The following PAX4 variants were observed in gnomAD, a reference collection of about 807,000 sequenced individuals.
PAX4 encodes paired box 4.
PAX4 carries 33 observed loss-of-function variants against 40.6 expected under a neutral mutation model. The ratio of observed to expected loss-of-function variants is 0.81; its 90% CI spans 0.62 to 1.09. PAX4 has a LOEUF of 1.09. Ranked by LOEUF, PAX4 falls within the 50% of genes least tolerant of loss-of-function variation. The probability of loss-of-function intolerance (pLI) is 0.00; values close to 1 mark genes in which losing one functional copy is unlikely to be tolerated. For synonymous variants in PAX4, 174 were observed against 170.6 expected, an observed-to-expected ratio of 1.02 and a Z score of -0.16; for missense variants, 459 against 442.5, an observed-to-expected ratio of 1.04 and a Z score of -0.33.
rs376403180 is a variant in PAX4, at chr7:127,613,543, C to T, written c.563-11G>A. ...GCCCACGCTGGAACTCTGCGGAGATCGAGTCTCACAAAGTAAGGGCACCGG... is the reference window on the plus strand; with the variant it reads ...GCCCACGCTGGAACTCTGCGGAGATTGAGTCTCACAAAGTAAGGGCACCGG... On this transcript the variant is annotated splice_polypyrimidine_tract_variant and intron_variant, in intron 7 of 11. Coordinates refer to ENST00000639438, the MANE Select transcript of PAX4 (RefSeq NM_001366110.1). The T allele has an allele frequency of 1.2e-4, 188 of 1,613,904 alleles. No individual in the cohort carries two copies. Among genetic ancestry groups the T allele is most frequent in the Non-Finnish European group, 1.4e-4 (166 of 1,179,928 alleles).
chr7:127,613,416 T>G, intron 8 of PAX4, 34 bp downstream of exon 8: 1 of 1,601,748 alleles, frequency 6.2e-7, no homozygotes, highest in Non-Finnish European at 8.6e-7. Context: ...CTCTTCCTCC[T>G]TGTGGTTTGT....
At position 127,616,015 on chromosome 7, in the gene PAX4, T is replaced by C; in HGVS notation, c.-87A>G. ...TCCTTCTAGGAGCTCCTTTTCCAGC[T>C]TGGGGGCTGGCTCTGCAATAATGGG... On this transcript the variant is annotated 5_prime_UTR_variant, in exon 3 of 12. Coordinates refer to ENST00000639438, the MANE Select transcript of PAX4 (RefSeq NM_001366110.1). 6.8e-7 allele frequency: 1 copy of C among 1,465,072 alleles called. No individual in the cohort carries two copies. The highest frequency in any genetic ancestry group is 1.2e-5 in the South Asian group (1 of 82,210). 90.8% of individuals were successfully genotyped at this position (1,465,072 alleles called of 1,614,324 possible).
intron 11 of PAX4, 117 bp from the exon 12 acceptor site, chr7:127,611,323 C>T: frequency 7.7e-7 from 1 of 1,293,676 alleles, no homozygotes; most frequent in Non-Finnish European, 1.1e-6. Context: ...ACTTGAATCC[C>T]AGTCTCACAT....
intron 11 of PAX4, 68 bp downstream of exon 11, chr7:127,611,467 C>T (rs1010570655): frequency 3.1e-6 from 5 of 1,610,410 alleles, no homozygotes; most frequent in Middle Eastern, 2.0e-4. Context: ...GATCCATGCC[C>T]TCCTGGAGGT....
chr7:127,616,083 G>A (rs1794720132), intron 2 of PAX4, 56 bp from the exon 3 acceptor site: 1 of 862,880 alleles, frequency 1.2e-6, no homozygotes, highest in East Asian at 2.7e-5. Flanking sequence ...GGTCCTGGGA[G>A]GTAGTGTTTT....
In PAX4 at chr7:127,616,066, T is replaced by C; in HGVS notation, c.-99-39A>G. ...GGGTTATTTGGGTGAGGTCTTTTGC[T>C]TGAAATGGTCCTGGGAGGTAGTGTT... is the stretch of plus-strand genomic sequence containing the variant. On this transcript the variant is annotated intron_variant, in intron 2 of 11. Coordinates refer to ENST00000639438, the MANE Select transcript of PAX4 (RefSeq NM_001366110.1). 4 of 1,025,350 alleles carry C rather than the reference T, an allele frequency of 3.9e-6. No individual in the cohort carries two copies. In the South Asian group the frequency reaches 6.0e-5, roughly 15 times the overall value. 63.5% of individuals were successfully genotyped at this position (1,025,350 alleles called of 1,614,324 possible).
chr7:127,616,096 G>T, intron 2 of PAX4, 69 bp from the exon 3 acceptor site: 2 of 738,354 alleles, frequency 2.7e-6, no homozygotes, highest in Admixed American at 2.9e-5. Flanking sequence ...AGTGTTTTGT[G>T]ATAGAGGGTC....
chr7:127,615,648 G>T, intron 3 of PAX4, 117 bp from the exon 4 acceptor site: 1 of 1,587,574 alleles, frequency 6.3e-7, no homozygotes, highest in African/African-American at 1.3e-5. Context: ...ATCCTCTCCT[G>T]GGAGACTGCA....
At chr7:127,611,842 T>A (rs1794630682) in intron 10 of PAX4, 103 bp downstream of exon 10, 1 of 1,596,448 alleles carries the variant, frequency 6.3e-7, no homozygotes. Context: ...ATGAACACTG[T>A]GGGGCCCTGG....
intron 10 of PAX4, 117 bp from the exon 11 acceptor site, chr7:127,611,793 C>G (rs1219679629): frequency 1.3e-6 from 2 of 1,599,510 alleles, no homozygotes; most frequent in African/African-American, 2.7e-5. Context: ...CCAGAGGGCA[C>G]CATTCACATA....
Position 127,611,287 on chromosome 7 carries a change from A to G in PAX4, c.914-81T>C, listed in dbSNP as rs554647327. The G allele has an allele frequency of 1.2e-5, 17 of 1,381,468 alleles. No homozygotes were observed. The South Asian group carries it at 1.6e-4, about 13-fold the overall frequency. The allele number at this position is 1,381,468 out of a possible 1,614,324, so 85.6% of individuals were successfully genotyped here. On this transcript the variant is annotated intron_variant, in intron 11 of 11. Transcript: ENST00000639438. ...GTCACTATGGGAGAGAGGCTGAGAC[A>G]TCAGTTTCCCACCCTGCATATACAC...
chr7:127,612,947 G>T, intron 9 of PAX4, 75 bp downstream of exon 9: 2 of 1,046,618 alleles, frequency 1.9e-6, no homozygotes, highest in Non-Finnish European at 3.0e-6. Flanking sequence ...ATGGATGGAT[G>T]GATGGATGGA....
intron 9 of PAX4, among the ~76,000 whole-genome samples, chr7:127,612,430 C>A (rs1794644203): frequency 6.8e-6 from 1 of 147,094 alleles, no homozygotes; most frequent in African/African-American, 2.5e-5. Context: ...TGGATGAATG[C>A]ATGAGCAGAT....
At chr7:127,613,242 C>T in intron 8 of PAX4, 151 bp from the exon 9 acceptor site, 2 of 857,524 alleles carry the variant, frequency 2.3e-6, no homozygotes, top group Non-Finnish European at 1.9e-6. Context: ...GCTCTCTGGC[C>T]CCTTCCTCAA....
At chr7:127,616,163 A>C in intron 2 of PAX4, 136 bp from the exon 3 acceptor site, 1 of 570,636 alleles carries the variant, frequency 1.8e-6, no homozygotes, top group Admixed American at 3.1e-5. Context: ...AATTCCTTTT[A>C]TTTAAACCTT....
At position 127,610,916 on chromosome 7, in the gene PAX4, G is replaced by A. The variant is rs933526132; in HGVS notation, c.*148C>T. 2.6e-6 allele frequency: 4 copies of A among 1,546,496 alleles called. No individual in the cohort carries two copies. Among genetic ancestry groups the A allele is most frequent in the African/African-American group, 1.4e-5 (1 of 73,048 alleles). ...TCCAATCAGGTGATGCGCCAGAGAG[G>A]CATCGAGGCAGGGCCAGGCAACGTC... is the stretch of plus-strand genomic sequence containing the variant. On this transcript the variant is annotated 3_prime_UTR_variant, in exon 12 of 12. Coordinates refer to ENST00000639438, the MANE Select transcript of PAX4 (RefSeq NM_001366110.1).
chr7:127,615,684 G>A, intron 3 of PAX4, 153 bp from the exon 4 acceptor site: 6 of 1,535,104 alleles, frequency 3.9e-6, no homozygotes, highest in East Asian at 4.8e-5. Context: ...GGCTGTCAAC[G>A]CAAGCTGCTT....
At position 127,613,784 on chromosome 7, in the gene PAX4, G is replaced by T. The variant is rs1794676706; in HGVS notation, c.534C>A (p.Ser178=). 2.5e-6 allele frequency: 4 copies of T among 1,614,012 alleles called. No homozygotes were observed. Residue 178 remains serine (S), a synonymous_variant, in exon 7 of 12, where the codon TCC becomes TCA. Transcript: ENST00000639438. ...GTGHRNRTIF[S]PSQAEALEKE... is the part of the protein sequence containing the mutation. ...TCTCCAGTGCCTCTGCTTGGCTTGG[G>T]GAGAAGATAGTCCGATTCCGGTGGC...
intron 5 of PAX4, 51 bp from the exon 6 acceptor site, chr7:127,614,608 A>G: frequency 7.0e-7 from 1 of 1,420,248 alleles, no homozygotes; most frequent in South Asian, 1.2e-5. Flanking sequence ...ACTCAGGGCT[A>G]TACCCTGAGG....
Sources: allele counts gnomAD v4.1 joint callset (sites outside exome capture counted in the v4.1 genomes callset), GRCh38; gene constraint gnomAD v4.1.1; transcripts MANE v1.5; gene names NCBI Gene and HGNC (gene_info 2026-07-23, HGNC 2026-07-21).